Variants in ADAMTS12 observed in about 807,000 individuals in gnomAD.
The protein encoded by ADAMTS12 is A disintegrin and metalloproteinase with thrombospondin motifs 12.
Under a neutral mutation model 167.8 loss-of-function variants are expected in ADAMTS12, and 118 were observed. The observed-to-expected ratio is 0.70, with a 90% CI of 0.61 to 0.82. ADAMTS12 has a LOEUF of 0.82. Among genes scored for constraint, ADAMTS12 ranks in the 40% least tolerant of loss-of-function variants. The pLI, the probability that ADAMTS12 is intolerant of heterozygous loss-of-function variation, is 0.00. For missense variants in ADAMTS12, 1,916 were observed against 1,998.8 expected (o/e 0.96, Z 0.79); for synonymous variants, 704 against 716.9 (o/e 0.98, Z 0.29).
chr5:33,846,178 G>A (rs2591728), intron 2 of ADAMTS12, among the ~76,000 whole-genome samples: 70,779 of 151,984 alleles, frequency 0.47, 18,389 homozygotes, highest in African/African-American at 0.68. Context: ...TATAATCTTC[G>A]AAAGTGTCAA....
chr5:33,584,419 A>G (rs1747229617), intron 18 of ADAMTS12, among the ~76,000 whole-genome samples: 1 of 152,056 alleles, frequency 6.6e-6, no homozygotes, highest in Non-Finnish European at 1.5e-5. Context: ...GTAGGCCCCA[A>G]GCACTGCGCT....
At chr5:33,529,443 C>A (rs1482530251) in intron 23 of ADAMTS12, among the ~76,000 whole-genome samples, 1 of 151,864 alleles carries the variant, frequency 6.6e-6, no homozygotes, top group Non-Finnish European at 1.5e-5. Context: ...TTAGGTACTT[C>A]TTGGAGCTCT....
chr5:33,837,634 T>G (rs750354644), intron 2 of ADAMTS12, among the ~76,000 whole-genome samples: 1 of 152,328 alleles, frequency 6.6e-6, no homozygotes, highest in Middle Eastern at 3.4e-3. Context: ...AGCATCTGCA[T>G]GGTTCTTTTG....
chr5:33,610,616 T>G (rs1320262565), intron 16 of ADAMTS12, among the ~76,000 whole-genome samples: 1 of 152,198 alleles, frequency 6.6e-6, no homozygotes, highest in Non-Finnish European at 1.5e-5. Context: ...TACTTTTAGG[T>G]AGACATATTA....
chr5:33,634,482 C>T lies in ADAMTS12; in HGVS notation c.1888+3095G>A, dbSNP rs1278712891. 4.6e-5 allele frequency among the ~76,000 whole-genome samples: 7 copies of T among 152,218 alleles called. No homozygotes were observed. In the South Asian group the frequency reaches 1.2e-3, roughly 27 times the overall value. ...AAATACTAAACCCCAAAGCAAAAGG[C>T]ATAACTTAAAATGTTTTATTGATGC... On this transcript the variant is annotated intron_variant, in intron 12 of 23. Transcript: ENST00000504830.
intron 20 of ADAMTS12, among the ~76,000 whole-genome samples, chr5:33,551,404 G>A (rs1240274142): frequency 6.6e-6 from 1 of 152,136 alleles, no homozygotes; most frequent in Non-Finnish European, 1.5e-5. Flanking sequence ...TAAAAACTTT[G>A]TTTTCCTGCC....
intron 8 of ADAMTS12, among the ~76,000 whole-genome samples, chr5:33,649,313 G>A (rs1048482788): frequency 3.3e-5 from 5 of 152,070 alleles, no homozygotes; most frequent in Admixed American, 2.6e-4. Flanking sequence ...GCTATTTTGG[G>A]GCAGGAGCAA....
At position 33,576,690 on chromosome 5, in the gene ADAMTS12, A is replaced by G. The variant is rs960890768; in HGVS notation, c.3336T>C (p.Gly1112=). 6.2e-7 allele frequency: 1 copy of G among 1,614,080 alleles called. No homozygotes were observed. The highest frequency in any genetic ancestry group is 8.5e-7 in the Non-Finnish European group (1 of 1,180,034). The change falls in exon 19 of 24, where the codon GGT becomes GGC. Residue 1112 remains glycine, a synonymous_variant. Transcript: ENST00000504830. The part of the protein sequence containing the change: ...SEENVSSSDT[G]PTSEGGLVAT... Reference sequence around the variant, plus strand: ...CTACAAGGCCTCCCTCCGAGGTAGGACCAGTATCTGAACTGGAAACATTTT... The same window carrying G: ...CTACAAGGCCTCCCTCCGAGGTAGGGCCAGTATCTGAACTGGAAACATTTT...
intron 9 of ADAMTS12, among the ~76,000 whole-genome samples, chr5:33,644,345 C>A (rs1740583058): frequency 6.6e-6 from 1 of 152,194 alleles, no homozygotes; most frequent in African/African-American, 2.4e-5. Flanking sequence ...AAGAAACTTT[C>A]TCCTCCATCA....
chr5:33,751,349 A>T (rs1530507), intron 3 of ADAMTS12, 55 bp downstream of exon 3: 1,150,885 of 1,611,384 alleles, frequency 0.71, 417,194 homozygotes, highest in Non-Finnish European at 0.75. Flanking sequence ...TTAATAAAAC[A>T]ACCAAAAGAA....
At chr5:33,816,973 T>A (rs895366) in intron 2 of ADAMTS12, among the ~76,000 whole-genome samples, 92,868 of 151,440 alleles carry the variant, frequency 0.61, 28,975 homozygotes, top group Non-Finnish European at 0.65. Flanking sequence ...GTGTGTAGTT[T>A]ACGGTGCTTC....
intron 5 of ADAMTS12, among the ~76,000 whole-genome samples, chr5:33,672,663 T>C (rs1741751740): frequency 6.6e-6 from 1 of 152,206 alleles, no homozygotes; most frequent in Non-Finnish European, 1.5e-5. Context: ...CGTGTGTCTG[T>C]TTCGAAAAAG....
At chr5:33,833,285 G>A (rs1350025964) in intron 2 of ADAMTS12, among the ~76,000 whole-genome samples, 1 of 152,176 alleles carries the variant, frequency 6.6e-6, no homozygotes, top group Non-Finnish European at 1.5e-5. Context: ...TGGCCTCATT[G>A]GACTTAAGCT....
intron 2 of ADAMTS12, among the ~76,000 whole-genome samples, chr5:33,793,038 T>C (rs890228016): frequency 6.6e-6 from 1 of 152,232 alleles, no homozygotes; most frequent in Non-Finnish European, 1.5e-5. Flanking sequence ...GTCCATGAAT[T>C]TGCCTTCATT....
intron 6 of ADAMTS12, among the ~76,000 whole-genome samples, 185 bp from the exon 7 acceptor site, chr5:33,658,518 T>C (rs1216205354): frequency 1.3e-5 from 2 of 152,234 alleles, no homozygotes; most frequent in Admixed American, 1.3e-4. Context: ...ATTTTACCTT[T>C]TGATTACTGA....
chr5:33,526,002 C>A lies in ADAMTS12; in HGVS notation c.*1186G>T, dbSNP rs1743795929. ...CAGTTTCTTTGGACTCCCTGATTCACCTGTTCTCCCCAAAGTAAAAGATCT... is the reference window on the plus strand; with the variant it reads ...CAGTTTCTTTGGACTCCCTGATTCAACTGTTCTCCCCAAAGTAAAAGATCT... On this transcript the variant is annotated 3_prime_UTR_variant, in exon 24 of 24. Coordinates refer to ENST00000504830, the MANE Select transcript of ADAMTS12 (RefSeq NM_030955.4). 6.6e-6 allele frequency: 1 copy of A among 152,184 alleles called. No homozygotes were observed. The highest frequency in any genetic ancestry group is 1.5e-5 in the Non-Finnish European group (1 of 68,034). The allele number at this position is 152,184 out of a possible 1,614,324, so 9.4% of individuals were successfully genotyped here. A position where few individuals can be genotyped will look rare whatever the true frequency, so the allele number is the denominator to read the frequency against.
chr5:33,837,281 T>A (rs1049205964), intron 2 of ADAMTS12, among the ~76,000 whole-genome samples: 2 of 152,232 alleles, frequency 1.3e-5, no homozygotes, highest in African/African-American at 4.8e-5. Context: ...AAATTACTTA[T>A]GCACCAACAT....
chr5:33,738,027 C>T (rs1330620500), intron 3 of ADAMTS12, among the ~76,000 whole-genome samples: 1 of 152,176 alleles, frequency 6.6e-6, no homozygotes, highest in Non-Finnish European at 1.5e-5. Context: ...TAAGCCCTCA[C>T]CTTAACTTCA....
chr5:33,749,290 G>A (rs561041469), intron 3 of ADAMTS12, among the ~76,000 whole-genome samples: 15 of 152,240 alleles, frequency 9.9e-5, no homozygotes, highest in African/African-American at 2.6e-4. Context: ...AAAGTAAACC[G>A]GAGGCCGTAT....
Sources: allele counts gnomAD v4.1 joint callset (sites outside exome capture counted in the v4.1 genomes callset), GRCh38; gene constraint gnomAD v4.1.1; transcripts MANE v1.5; gene names NCBI Gene and HGNC (gene_info 2026-07-23, HGNC 2026-07-21).